The following PXDNL variants were observed in gnomAD, a reference collection of about 807,000 sequenced individuals.
The protein encoded by PXDNL is peroxidasin like.
In PXDNL, 145 loss-of-function variants were observed where a neutral mutation model predicts 150.8. The ratio of observed to expected loss-of-function variants is 0.96; its 90% CI spans 0.84 to 1.10. The LOEUF (loss-of-function observed/expected upper bound fraction) is 1.10, where lower values mean the gene tolerates loss of function less well. Ranked by LOEUF, PXDNL falls within the 50% of genes least tolerant of loss-of-function variation. The pLI, the probability that PXDNL is intolerant of heterozygous loss-of-function variation, is 0.00. For synonymous variants in PXDNL, 757 were observed against 725.7 expected (o/e 1.04, Z -0.69); for missense variants, 2,087 against 1,873.9 (o/e 1.11, Z -2.10).
chr8:51,583,383 G>A (rs1042398151), intron 3 of PXDNL, among the ~76,000 whole-genome samples: 1 of 152,054 alleles, frequency 6.6e-6, no homozygotes, highest in Admixed American at 6.6e-5. Context: ...AAGGTTGCAT[G>A]TTTCTAGAAA....
intron 21 of PXDNL, among the ~76,000 whole-genome samples, chr8:51,337,005 T>C (rs1270748731): frequency 6.6e-6 from 1 of 152,216 alleles, no homozygotes; most frequent in Non-Finnish European, 1.5e-5. Flanking sequence ...ACAGACTTTG[T>C]ATCAGGCTCT....
chr8:51,526,283 A>G (rs946346387), intron 4 of PXDNL, among the ~76,000 whole-genome samples: 1 of 152,112 alleles, frequency 6.6e-6, no homozygotes, highest in African/African-American at 2.4e-5. Context: ...TCAGCAACAG[A>G]AACAGCTCTG....
chr8:51,665,923 C>T (rs950310504), intron 1 of PXDNL, among the ~76,000 whole-genome samples: 1 of 152,178 alleles, frequency 6.6e-6, no homozygotes, highest in African/African-American at 2.4e-5. Flanking sequence ...GAACTGTCAA[C>T]TATGCGATGT....
chr8:51,413,360 T>C lies in PXDNL; in HGVS notation c.1796-102A>G. The stretch of plus-strand genomic sequence containing the variant: ...CATTTTTAAATGTAATGCCATTACA[T>C]TTAAAACCTCTAAGACAATGAAAAT... On this transcript the variant is annotated intron_variant, in intron 14 of 22. Coordinates refer to ENST00000356297, the MANE Select transcript of PXDNL (RefSeq NM_144651.5). 4 of 674,532 alleles carry C rather than the reference T, an allele frequency of 5.9e-6. No individual in the cohort carries two copies. The South Asian group carries it at 7.0e-5, about 12-fold the overall frequency. The allele number at this position is 674,532 out of a possible 1,614,324, so 41.8% of individuals were successfully genotyped here.
At chr8:51,430,299 T>C (rs1263619215) in intron 12 of PXDNL, among the ~76,000 whole-genome samples, 1 of 152,208 alleles carries the variant, frequency 6.6e-6, no homozygotes, top group African/African-American at 2.4e-5. Context: ...CTCATTCCCT[T>C]TCCTTTTCAG....
chr8:51,392,380 G>A (rs1042347643), intron 17 of PXDNL, among the ~76,000 whole-genome samples: 5 of 152,124 alleles, frequency 3.3e-5, no homozygotes, highest in African/African-American at 1.2e-4. Context: ...AGCATGGAAT[G>A]TTCTTCCATT....
intron 21 of PXDNL, among the ~76,000 whole-genome samples, chr8:51,337,817 G>A (rs1473946224): frequency 4.6e-5 from 7 of 151,434 alleles, no homozygotes; most frequent in Non-Finnish European, 7.4e-5. Flanking sequence ...AGGTTGCAGC[G>A]AGCTGGGATT....
intron 19 of PXDNL, among the ~76,000 whole-genome samples, chr8:51,351,246 G>GACTAT (rs1806340807): frequency 1.3e-5 from 2 of 152,138 alleles, no homozygotes; most frequent in Admixed American, 6.5e-5. Context: ...CAGTAACTCA[G>GACTAT]ACTATAACAT....
intron 11 of PXDNL, among the ~76,000 whole-genome samples, chr8:51,448,627 G>C (rs1489642211): frequency 6.6e-6 from 1 of 152,124 alleles, no homozygotes; most frequent in Admixed American, 6.6e-5. Context: ...GTGAACCCGG[G>C]AGGCGGAGCT....
chr8:51,462,652 A>T (rs1810108801), intron 8 of PXDNL, among the ~76,000 whole-genome samples: 4 of 152,220 alleles, frequency 2.6e-5, no homozygotes, highest in African/African-American at 9.6e-5. Context: ...GGGATTACAT[A>T]AGGAGACCAA....
intron 6 of PXDNL, among the ~76,000 whole-genome samples, chr8:51,478,979 A>C (rs555540318): frequency 1.4e-4 from 22 of 152,216 alleles, no homozygotes; most frequent in Admixed American, 2.6e-4. Context: ...AAACCAAAAA[A>C]ATCATCTTAA....
At chr8:51,507,666 G>A (rs111308394) in intron 4 of PXDNL, among the ~76,000 whole-genome samples, 36 of 152,326 alleles carry the variant, frequency 2.4e-4, no homozygotes, top group African/African-American at 8.4e-4. Context: ...GCAATGGTTT[G>A]CAGTGGTTTT....
At chr8:51,407,182 C>A (rs1003354032) in intron 17 of PXDNL, among the ~76,000 whole-genome samples, 1 of 152,184 alleles carries the variant, frequency 6.6e-6, no homozygotes, top group Non-Finnish European at 1.5e-5. Context: ...CAAATTCAAT[C>A]TGCAGGGTAC....
chr8:51,565,341 G>GATAA (rs1333328349), intron 3 of PXDNL, among the ~76,000 whole-genome samples: 1 of 142,548 alleles, frequency 7.0e-6, no homozygotes, highest in East Asian at 2.0e-4. Flanking sequence ...TAGATAGATA[G>GATAA]ATAAATAAAT....
chr8:51,593,965 G>C (rs1403534253), intron 2 of PXDNL, among the ~76,000 whole-genome samples: 1 of 152,210 alleles, frequency 6.6e-6, no homozygotes, highest in Non-Finnish European at 1.5e-5. Context: ...AATATAACTA[G>C]TTAATGTGTA....
intron 16 of PXDNL, among the ~76,000 whole-genome samples, chr8:51,410,532 G>A (rs1484175923): frequency 1.3e-5 from 2 of 152,176 alleles, no homozygotes; most frequent in Admixed American, 6.5e-5. Context: ...TCTAAGGGCT[G>A]AGGCAAGCTC....
chr8:51,608,855 A>AAAAAAAG (rs1813936373), intron 2 of PXDNL, among the ~76,000 whole-genome samples: 4 of 150,002 alleles, frequency 2.7e-5, no homozygotes, highest in Admixed American at 6.6e-5. Flanking sequence ...AAAAAAAAAA[A>AAAAAAAG]AAAAGAAAGT....
chr8:51,618,513 T>G (rs1301706532), intron 2 of PXDNL, among the ~76,000 whole-genome samples: 2 of 152,166 alleles, frequency 1.3e-5, no homozygotes, highest in Non-Finnish European at 2.9e-5. Flanking sequence ...ATGGTTCATG[T>G]TTTAGCTCTC....
chr8:51,369,556 T>C (rs753599485), intron 19 of PXDNL, among the ~76,000 whole-genome samples: 2 of 152,184 alleles, frequency 1.3e-5, no homozygotes, highest in Non-Finnish European at 2.9e-5. Context: ...TGGTTCTCAT[T>C]ACAAACATTA....
Sources: allele counts gnomAD v4.1 joint callset (sites outside exome capture counted in the v4.1 genomes callset), GRCh38; gene constraint gnomAD v4.1.1; transcripts MANE v1.5; gene names NCBI Gene and HGNC (gene_info 2026-07-23, HGNC 2026-07-21).